Variants in DNMBP observed in about 807,000 individuals in gnomAD.
DNMBP encodes the protein dynamin binding protein.
Under a neutral mutation model 150.0 loss-of-function variants are expected in DNMBP, and 87 were observed. The observed-to-expected ratio is 0.58, with a 90% CI of 0.49 to 0.69. The LOEUF (loss-of-function observed/expected upper bound fraction) is 0.69. Among genes scored for constraint, DNMBP ranks in the 30% least tolerant of loss-of-function variants. DNMBP has a pLI of 0.00. For missense variants in DNMBP, 1,774 were observed against 1,949.0 expected (o/e 0.91, Z 1.69); for synonymous variants, 711 against 750.4 (o/e 0.95, Z 0.86).
chr10:99,920,504 T>G (rs1045012355), intron 4 of DNMBP, among the ~76,000 whole-genome samples: 1 of 152,162 alleles, frequency 6.6e-6, no homozygotes, highest in Non-Finnish European at 1.5e-5. Flanking sequence ...CTCCTAGATC[T>G]TGGGAGAGCA....
intron 11 of DNMBP, among the ~76,000 whole-genome samples, chr10:99,890,562 CAG>C (rs748681566): frequency 2.0e-5 from 3 of 152,172 alleles, no homozygotes; most frequent in Admixed American, 1.3e-4. Context: ...AAATGGCCAA[CAG>C]AGGGATATCA....
rs1003923630 is a variant in DNMBP at position 99,956,032 on chromosome 10, C to A, written c.1442G>T (p.Gly481Val). 1 of 1,614,142 alleles carries A rather than the reference C, an allele frequency of 6.2e-7. No individual in the cohort carries two copies. The change falls in exon 4 of 17, where the codon GGC (glycine) becomes GTC (valine). Residue 481 changes from glycine (G) to valine (V), a missense_variant. Coordinates refer to ENST00000324109, the MANE Select transcript of DNMBP (RefSeq NM_015221.4). ...TACCCTTGAAGCTGAAACAGAAGAG[C>A]CCCTGTAAAGAGGGAGCACTGGCTT... Reference protein sequence around the residue: ...LQKPVLPLYRGSSVSASRVVK... With the variant: ...LQKPVLPLYRVSSVSASRVVK...
At chr10:99,964,636 C>G (rs112565283) in intron 3 of DNMBP, among the ~76,000 whole-genome samples, 6 of 151,392 alleles carry the variant, frequency 4.0e-5, no homozygotes, top group East Asian at 2.0e-4. Context: ...TTTGGCAGGT[C>G]GAGGCAGGCG....
At chr10:99,982,672 G>A (rs923915815) in intron 1 of DNMBP, among the ~76,000 whole-genome samples, 12 of 152,088 alleles carry the variant, frequency 7.9e-5, no homozygotes, top group African/African-American at 2.9e-4. Flanking sequence ...CACTGGTGAG[G>A]CTGGGCACGG....
intron 6 of DNMBP, among the ~76,000 whole-genome samples, chr10:99,905,177 C>T (rs1458233787): frequency 6.6e-6 from 1 of 152,214 alleles, no homozygotes; most frequent in Non-Finnish European, 1.5e-5. Flanking sequence ...GTCACTGTGA[C>T]TTCCTTCTGC....
chr10:99,881,973 T>A (rs2133192785), intron 15 of DNMBP, among the ~76,000 whole-genome samples: 1 of 152,298 alleles, frequency 6.6e-6, no homozygotes, highest in African/African-American at 2.4e-5. Context: ...GGTAGTCAAG[T>A]ACCCATACTA....
chr10:99,912,615 A>G (rs2039914572), intron 4 of DNMBP, among the ~76,000 whole-genome samples: 1 of 152,152 alleles, frequency 6.6e-6, no homozygotes, highest in South Asian at 2.1e-4. Context: ...CATCCCTGGG[A>G]TTCAGATTCA....
chr10:99,907,409 T>C (rs2039840186), intron 6 of DNMBP, among the ~76,000 whole-genome samples: 1 of 152,032 alleles, frequency 6.6e-6, no homozygotes, highest in Non-Finnish European at 1.5e-5. Flanking sequence ...GTTTTTTTTT[T>C]TCTTGAGACC....
intron 4 of DNMBP, chr10:99,930,991 G>C (rs1465507634): frequency 6.8e-6 from 3 of 438,942 alleles, no homozygotes; most frequent in Non-Finnish European, 4.0e-6. Context: ...GAGGCCAGAA[G>C]ATAATGAGTA....
At chr10:99,968,100 C>T (rs1589443355) in intron 3 of DNMBP, among the ~76,000 whole-genome samples, 1 of 152,172 alleles carries the variant, frequency 6.6e-6, no homozygotes, top group African/African-American at 2.4e-5. Context: ...ACGCTTCCAA[C>T]TCAAGCGATC....
intron 4 of DNMBP, among the ~76,000 whole-genome samples, chr10:99,927,851 C>T (rs2040099455): frequency 6.6e-6 from 1 of 152,136 alleles, no homozygotes; most frequent in African/African-American, 2.4e-5. Context: ...AAGGGTTTCA[C>T]TCCTGTTAAG....
intron 3 of DNMBP, chr10:99,958,114 C>A (rs1242709874): frequency 6.6e-6 from 1 of 152,148 alleles, no homozygotes; most frequent in East Asian, 1.9e-4. Flanking sequence ...GGCAACAGAG[C>A]AAGACTCCAT....
At chr10:99,896,230 C>T (rs200882305) in intron 10 of DNMBP, 37 bp downstream of exon 10, 167 of 1,607,610 alleles carry the variant, frequency 1.0e-4, no homozygotes, top group Non-Finnish European at 1.5e-5. Flanking sequence ...GAAAAGCTGT[C>T]AAAGATGCGC....
At chr10:100,005,142 A>G (rs1003002598) in intron 1 of DNMBP, among the ~76,000 whole-genome samples, 1 of 152,194 alleles carries the variant, frequency 6.6e-6, no homozygotes, top group Non-Finnish European at 1.5e-5. Flanking sequence ...GAGTCCTCAA[A>G]TATTAATACT....
At chr10:99,885,013 C>T (rs546496572) in intron 14 of DNMBP, among the ~76,000 whole-genome samples, 4 of 152,144 alleles carry the variant, frequency 2.6e-5, no homozygotes, top group African/African-American at 9.6e-5. Flanking sequence ...AGCTGGTGTG[C>T]CTTATGCTAA....
intron 6 of DNMBP, among the ~76,000 whole-genome samples, chr10:99,904,149 G>C (rs991200368): frequency 6.6e-6 from 1 of 152,106 alleles, no homozygotes; most frequent in African/African-American, 2.4e-5. Context: ...CAGCTACTAG[G>C]GAGGCTGAGG....
At chr10:99,983,969 A>C (rs1277000565) in intron 1 of DNMBP, among the ~76,000 whole-genome samples, 9 of 152,160 alleles carry the variant, frequency 5.9e-5, no homozygotes, top group Non-Finnish European at 2.9e-5. Flanking sequence ...AACCACCCGA[A>C]CACTTCTATA....
chr10:99,904,810 G>A (rs2039801359), intron 6 of DNMBP, among the ~76,000 whole-genome samples: 1 of 152,162 alleles, frequency 6.6e-6, no homozygotes, highest in South Asian at 2.1e-4. Context: ...TCTTATGGAG[G>A]TGGGGCTATG....
At chr10:99,964,042 C>T (rs1401922064) in intron 3 of DNMBP, among the ~76,000 whole-genome samples, 3 of 151,308 alleles carry the variant, frequency 2.0e-5, no homozygotes, top group East Asian at 1.9e-4. Context: ...TTCTGTCTTA[C>T]GTGAGGCAAT....
Sources: allele counts gnomAD v4.1 joint callset (sites outside exome capture counted in the v4.1 genomes callset), GRCh38; gene constraint gnomAD v4.1.1; transcripts MANE v1.5; gene names NCBI Gene and HGNC (gene_info 2026-07-23, HGNC 2026-07-21).